The following SIRT3 variants were observed in gnomAD, a reference collection of about 807,000 sequenced individuals.
The protein encoded by SIRT3 is NAD-dependent protein deacetylase sirtuin-3, mitochondrial.
In SIRT3, 26 loss-of-function variants were observed where a neutral mutation model predicts 33.5. That is an observed-to-expected ratio of 0.78 (90% CI 0.57 to 1.08). SIRT3 has a LOEUF of 1.08. SIRT3 is among the 50% of genes least tolerant of loss of function. The pLI, the probability that SIRT3 is intolerant of heterozygous loss-of-function variation, is 0.00. For missense variants in SIRT3, 585 were observed against 530.1 expected (o/e 1.10, Z -1.02); for synonymous variants, 237 against 222.1 (o/e 1.07, Z -0.60).
intron 4 of SIRT3, among the ~76,000 whole-genome samples, chr11:226,267 G>C (rs976359179): frequency 1.3e-5 from 2 of 152,098 alleles, no homozygotes; most frequent in East Asian, 3.9e-4. Flanking sequence ...CCTAATGGTG[G>C]CTGGGGAGGG....
chr11:232,583 G>A (rs1858214816), intron 3 of SIRT3, among the ~76,000 whole-genome samples: 1 of 152,120 alleles, frequency 6.6e-6, no homozygotes, highest in East Asian at 1.9e-4. Context: ...CTGTGTGCTG[G>A]TGATGAGGAC....
intron 4 of SIRT3, among the ~76,000 whole-genome samples, chr11:227,935 T>C (rs1857398983): frequency 6.6e-6 from 1 of 152,186 alleles, no homozygotes; most frequent in Admixed American, 6.5e-5. Flanking sequence ...AATAATCTCT[T>C]TTAAATGCAA....
At chr11:235,887 C>T (rs1183397857) in intron 1 of SIRT3, among the ~76,000 whole-genome samples, 161 bp downstream of exon 1, 2 of 152,174 alleles carry the variant, frequency 1.3e-5, no homozygotes, top group African/African-American at 4.8e-5. Context: ...GACAAAACCC[C>T]CATAAGTGAC....
At position 236,329 on chromosome 11, in the gene SIRT3, G is replaced by C. The variant is rs759505551; in HGVS notation, c.-1C>G. 1.5e-5 allele frequency: 22 copies of C among 1,474,312 alleles called. No homozygotes were observed. The highest frequency in any genetic ancestry group is 2.3e-5 in the Admixed American group (1 of 42,754). 91.3% of individuals were successfully genotyped at this position (1,474,312 alleles called of 1,614,324 possible). ...CGGCGCGCCAACCCCAGAACGCCAT[G>C]TTCCGCGCAGTCCAAGGAGTCCTCC... is the stretch of plus-strand genomic sequence containing the variant. On this transcript the variant is annotated 5_prime_UTR_variant, in exon 1 of 7. Coordinates refer to ENST00000382743, the MANE Select transcript of SIRT3 (RefSeq NM_012239.6).
rs772723055 is a variant in SIRT3 at position 236,260 on chromosome 11, C to T, written c.69G>A (p.Glu23=). ...GAAACGGCCCCACGCCTCCCCCGGC[C>T]TCGACCCGTTCAACTACCCGGCCCC... ...RLWGRVVERV[E]AGGGVGPFQA... The change falls in exon 1 of 7, where the codon GAG becomes GAA. Residue 23 remains glutamate, a synonymous_variant. Coordinates refer to ENST00000382743, the MANE Select transcript of SIRT3 (RefSeq NM_012239.6). The T allele has an allele frequency of 4.5e-6, 7 of 1,544,668 alleles. No individual in the cohort carries two copies. The highest frequency in any genetic ancestry group is 1.2e-5 in the South Asian group (1 of 84,466).
In SIRT3 at chr11:224,955, G is replaced by T. The variant is rs144237349; in HGVS notation, c.808-716C>A. On this transcript the variant is annotated intron_variant, in intron 4 of 6. Transcript: ENST00000382743. ...AGGCTCAGCCCAGCAAAAAGCAACA[G>T]ATACAAAAGACAAAAGAAAGAGACC... Among the ~76,000 whole-genome samples, 772 of 151,836 alleles carry T rather than the reference G, an allele frequency of 5.1e-3. 7 individuals carry two copies. The highest frequency in any genetic ancestry group is 0.018 in the African/African-American group (750 of 41,256).
intron 5 of SIRT3, among the ~76,000 whole-genome samples, chr11:219,499 G>A (rs191488143): frequency 4.7e-4 from 71 of 152,218 alleles, no homozygotes; most frequent in Non-Finnish European, 6.2e-4. Flanking sequence ...TGGTGCCCCC[G>A]AGCAGGAGTT....
intron 5 of SIRT3, among the ~76,000 whole-genome samples, chr11:221,508 T>A (rs1398405649): frequency 1.3e-5 from 2 of 152,250 alleles, no homozygotes; most frequent in Non-Finnish European, 2.9e-5. Context: ...CCACAAAATC[T>A]ATGTTAAAGC....
rs549651831 is a variant in SIRT3, at chr11:219,798, C to T, written c.970-757G>A. Among the ~76,000 whole-genome samples the T allele has an allele frequency of 5.3e-5, 8 of 151,926 alleles. No homozygotes were observed. In the East Asian group the frequency reaches 1.2e-3, roughly 22 times the overall value. ...TAAGGATAGGGAAGAACGTTCTAGG[C>T]GTAAAAACTGAAGTCAGATAAGGCA... On this transcript the variant is annotated intron_variant, in intron 5 of 6. Transcript: ENST00000382743.
chr11:233,581 C>G, intron 1 of SIRT3, 47 bp from the exon 2 acceptor site: 2 of 1,591,502 alleles, frequency 1.3e-6, no homozygotes, highest in Non-Finnish European at 8.6e-7. Flanking sequence ...AGCAACCAAT[C>G]TCAGGATAGC....
chr11:233,244 C>T, intron 2 of SIRT3, 29 bp from the exon 3 acceptor site: 1 of 1,607,828 alleles, frequency 6.2e-7, no homozygotes, highest in Non-Finnish European at 8.5e-7. Flanking sequence ...GGCTCTGAGG[C>T]CTTTGGAAGA....
At chr11:230,319 C>A in intron 4 of SIRT3, 133 bp downstream of exon 4, 5 of 432,856 alleles carry the variant, frequency 1.2e-5, no homozygotes, top group African/African-American at 2.1e-5. Context: ...TATTGATTTT[C>A]TAATTTACAA....
At chr11:221,253 C>T (rs1054130732) in intron 5 of SIRT3, among the ~76,000 whole-genome samples, 1 of 152,156 alleles carries the variant, frequency 6.6e-6, no homozygotes, top group Non-Finnish European at 1.5e-5. Flanking sequence ...CAAATAGCTG[C>T]AACTACACAG....
chr11:227,558 G>T (rs1857348576), intron 4 of SIRT3, among the ~76,000 whole-genome samples: 1 of 152,150 alleles, frequency 6.6e-6, no homozygotes, highest in Non-Finnish European at 1.5e-5. Flanking sequence ...CAGTACTGAA[G>T]GAGAAGAACA....
At position 223,752 on chromosome 11, in the gene SIRT3, A is replaced by C; in HGVS notation, c.969+326T>G. On this transcript the variant is annotated intron_variant, in intron 5 of 6. Coordinates refer to ENST00000382743, the MANE Select transcript of SIRT3 (RefSeq NM_012239.6). The surrounding 1 kb of genome is among the most constrained non-coding windows in gnomAD (Gnocchi z 4.8). ...TCAGCCTGGAACCCCAGCTGAATCC[A>C]TTCACCTTCCCAAAGTGGCACCAGC... The C allele has an allele frequency of 1.1e-6, 1 of 946,458 alleles. No homozygotes were observed. The highest frequency in any genetic ancestry group is 1.3e-5 in the South Asian group (1 of 75,236). The allele number at this position is 946,458 out of a possible 1,614,324, so 58.6% of individuals were successfully genotyped here.
chr11:233,439 T>C lies in SIRT3; in HGVS notation c.377A>G (p.Gln126Arg). 6.2e-7 allele frequency: 1 copy of C among 1,613,928 alleles called. No homozygotes were observed. The highest frequency in any genetic ancestry group is 1.7e-5 in the Admixed American group (1 of 59,990). Residue 126 changes from glutamine to arginine, a missense_variant, in exon 2 of 7, where the codon CAG becomes CGG. Physicochemically the swap from Gln to Arg is conservative, Grantham distance 43. Coordinates refer to ENST00000382743, the MANE Select transcript of SIRT3 (RefSeq NM_012239.6). ...GGCCCGAATCAGCTCAGCTACATCC[T>C]GCAGGGAAAGCTTCCCCTTGTCACT... is the stretch of plus-strand genomic sequence containing the variant. The part of the protein sequence containing the change: ...GSSDKGKLSL[Q>R]DVAELIRARA...
chr11:236,189 C>T lies in SIRT3; in HGVS notation c.140G>A (p.Ser47Asn). The change falls in exon 1 of 7, where the codon AGT becomes AAT. Residue 47 changes from serine to asparagine, a missense_variant. Ser to Asn is a conservative substitution (Grantham distance 46, BLOSUM62 1). Coordinates refer to ENST00000382743, the MANE Select transcript of SIRT3 (RefSeq NM_012239.6). ...RLVLGGRDDV[S>N]AGLRGSHGAR... ...CCCATGGCTGCCTCTCAGCCCCGCA[C>T]TCACATCGTCCCTGCCGCCAAGCAC... 1 of 1,562,474 alleles carries T rather than the reference C, an allele frequency of 6.4e-7. No homozygotes were observed. The highest frequency in any genetic ancestry group is 8.6e-7 in the Non-Finnish European group (1 of 1,156,902).
chr11:224,226 G>T lies in SIRT3; in HGVS notation c.821C>A (p.Ala274Glu). ...PGEDIRADVM[A>E]DRVPRCPVCT... ...GACCGGGCAGCGGGGAACCCTGTCT[G>T]CCATCACGTCAGCCTGGAAAACAGA... Residue 274 changes from alanine (A) to glutamate (E), a missense_variant, in exon 5 of 7, where the codon GCA (alanine) becomes GAA (glutamate). Coordinates refer to ENST00000382743, the MANE Select transcript of SIRT3 (RefSeq NM_012239.6). The T allele has an allele frequency of 6.2e-7, 1 of 1,614,122 alleles. No individual in the cohort carries two copies. Among genetic ancestry groups the T allele is most frequent in the Non-Finnish European group, 8.5e-7 (1 of 1,180,018 alleles).
chr11:220,385 T>C (rs986441188), intron 5 of SIRT3, among the ~76,000 whole-genome samples: 3 of 149,744 alleles, frequency 2.0e-5, no homozygotes. Flanking sequence ...AATGTAATTA[T>C]ATTATTTAAT....
Sources: gnomAD v4.1 joint callset for allele counts (sites outside exome capture counted in the v4.1 genomes callset) on GRCh38, gnomAD v4.1.1 for gene constraint, Gnocchi (gnomAD v3.1) non-coding constraint, MANE v1.5 for transcripts, NCBI Gene and HGNC (gene_info 2026-07-23, HGNC 2026-07-21) for gene names.